The following PSTPIP1 variants were observed in gnomAD, a reference collection of about 807,000 sequenced individuals.
PSTPIP1 encodes proline-serine-threonine phosphatase-interacting protein 1.
PSTPIP1 carries 66 observed loss-of-function variants against 69.6 expected under a neutral mutation model. The ratio of observed to expected loss-of-function variants is 0.95; its 90% CI spans 0.78 to 1.16. The LOEUF (loss-of-function observed/expected upper bound fraction) is 1.16. Among genes scored for constraint, PSTPIP1 ranks in the 50% most tolerant of loss-of-function variants. The probability of loss-of-function intolerance (pLI) is 0.00; values close to 1 mark genes in which losing one functional copy is unlikely to be tolerated. For synonymous variants in PSTPIP1, 266 were observed against 222.7 expected, an observed-to-expected ratio of 1.19 and a Z score of -1.73; for missense variants, 603 against 557.4, an observed-to-expected ratio of 1.08 and a Z score of -0.82.
intron 1 of PSTPIP1, among the ~76,000 whole-genome samples, chr15:77,012,380 C>CCCAT (rs1260456735): frequency 7.3e-6 from 1 of 137,340 alleles, no homozygotes; most frequent in Non-Finnish European, 1.6e-5. Context: ...CACCTATCCA[C>CCCAT]CCATCCATCC....
intron 14 of PSTPIP1, among the ~76,000 whole-genome samples, chr15:77,036,428 G>A (rs1277286148): frequency 2.6e-5 from 4 of 152,178 alleles, no homozygotes; most frequent in Non-Finnish European, 5.9e-5. Context: ...TCTTGCTATC[G>A]TGCCAGGATT....
upstream of PSTPIP1, chr15:76,995,002 C>T (rs1489547734): frequency 1.2e-5 from 14 of 1,187,622 alleles, no homozygotes; most frequent in Non-Finnish European, 1.4e-5. Flanking sequence ...GAGCCCGCAC[C>T]TCGGGAGGGG....
intron 1 of PSTPIP1, among the ~76,000 whole-genome samples, chr15:77,000,020 C>T (rs936211459): frequency 6.6e-6 from 1 of 152,198 alleles, no homozygotes; most frequent in South Asian, 2.1e-4. Context: ...GGGTGGGAAC[C>T]ACCAAGGGGG....
intron 1 of PSTPIP1, among the ~76,000 whole-genome samples, chr15:77,001,312 C>A (rs1156942492): frequency 6.6e-6 from 1 of 152,178 alleles, no homozygotes; most frequent in African/African-American, 2.4e-5. Context: ...GCCATGGGTA[C>A]TAGCAGTCAC....
intron 12 of PSTPIP1, 76 bp from the exon 13 acceptor site, chr15:77,035,432 C>CT: frequency 6.9e-7 from 1 of 1,452,744 alleles, no homozygotes; most frequent in Non-Finnish European, 9.5e-7. Context: ...AGACCTCTCC[C>CT]TGTCTAAACC....
rs144577744 is a variant in PSTPIP1, at chr15:77,009,292, A to C, written c.37-8856A>C. Among the ~76,000 whole-genome samples the C allele has an allele frequency of 6.7e-3, 1,017 of 152,200 alleles. 11 individuals are homozygous for C. Among genetic ancestry groups the C allele is most frequent in the African/African-American group, 0.024 (976 of 41,526 alleles). On this transcript the variant is annotated intron_variant, in intron 1 of 14. Transcript: ENST00000558012. ...GAGGCTGCAGGGGTCCCTGCCTTCA[A>C]GGAAGGGCACGGGCATAGGAGTGGA...
rs759394059 is a variant in PSTPIP1, at chr15:77,036,946, TGCC to T, written c.1120-96_1120-94del. 6.1e-4 allele frequency: 913 copies of T among 1,502,856 alleles called. 2 individuals are homozygous for T. Among genetic ancestry groups the T allele is most frequent in the Non-Finnish European group, 7.8e-4 (866 of 1,107,086 alleles). 93.1% of individuals were successfully genotyped at this position (1,502,856 alleles called of 1,614,324 possible). A position where few individuals can be genotyped will look rare whatever the true frequency, so the allele number is the denominator to read the frequency against. On this transcript the variant is annotated intron_variant, in intron 14 of 14. Coordinates refer to ENST00000558012, the MANE Select transcript of PSTPIP1 (RefSeq NM_003978.5). Reference sequence around the variant, plus strand: ...CTGCCCCTGCCCACCCTGGGAGACATGCCGCATTTACTGCTGGGTGGGGGAACG... The same window carrying T: ...CTGCCCCTGCCCACCCTGGGAGACATGCATTTACTGCTGGGTGGGGGAACG...
At position 77,019,776 on chromosome 15, in the gene PSTPIP1, G is replaced by A. The variant is rs552948484; in HGVS notation, c.212+1245G>A. On this transcript the variant is annotated intron_variant, in intron 3 of 14. Coordinates refer to ENST00000558012, the MANE Select transcript of PSTPIP1 (RefSeq NM_003978.5). ...GGCCGGGTGCAGGCTGGGCACAGAG[G>A]AGGGCTCAGGACATGGTGAGGAGTG... 1.2e-4 allele frequency among the ~76,000 whole-genome samples: 18 copies of A among 152,346 alleles called. 1 individual carries two copies. In the East Asian group the frequency reaches 3.3e-3, roughly 28 times the overall value.
intron 1 of PSTPIP1, among the ~76,000 whole-genome samples, chr15:77,015,295 G>T (rs1295861606): frequency 6.6e-6 from 1 of 152,204 alleles, no homozygotes; most frequent in Non-Finnish European, 1.5e-5. Flanking sequence ...AGGTTGACCT[G>T]CATTCAGATC....
intron 12 of PSTPIP1, 95 bp from the exon 13 acceptor site, chr15:77,035,413 G>T (rs2076535740): frequency 2.3e-6 from 3 of 1,286,444 alleles, no homozygotes; most frequent in Non-Finnish European, 3.3e-6. Context: ...CAGAGCGCGT[G>T]CAGCTCTGAG....
chr15:77,002,733 G>A (rs1368487431), intron 1 of PSTPIP1, among the ~76,000 whole-genome samples: 1 of 152,196 alleles, frequency 6.6e-6, no homozygotes, highest in Non-Finnish European at 1.5e-5. Flanking sequence ...GTTCTGGGTC[G>A]ATTTGGTGTT....
chr15:77,022,423 A>G (rs1275733088), intron 3 of PSTPIP1, among the ~76,000 whole-genome samples: 1 of 152,206 alleles, frequency 6.6e-6, no homozygotes, highest in African/African-American at 2.4e-5. Context: ...GGGCAATGGG[A>G]TGAGTTACAC....
At position 77,037,379 on chromosome 15, in the gene PSTPIP1, C is replaced by T. The variant is rs758334641; in HGVS notation, c.*203C>T. ...TCTCTTTTTCTCCTGCTCCAGTGTC[C>T]GAGTGCTCAGTTCAGAGGAGGCAAA... On this transcript the variant is annotated 3_prime_UTR_variant, in exon 15 of 15. Coordinates refer to ENST00000558012, the MANE Select transcript of PSTPIP1 (RefSeq NM_003978.5). 94 of 615,612 alleles carry T rather than the reference C, an allele frequency of 1.5e-4. No individual in the cohort carries two copies. The highest frequency in any genetic ancestry group is 2.2e-4 in the East Asian group (6 of 27,732). 38.1% of individuals were successfully genotyped at this position (615,612 alleles called of 1,614,324 possible).
At chr15:77,025,708 G>C in intron 5 of PSTPIP1, 104 bp downstream of exon 5, 1 of 837,422 alleles carries the variant, frequency 1.2e-6, no homozygotes. Flanking sequence ...GTGGAGGGCG[G>C]CAGGGGTGGT....
intron 14 of PSTPIP1, 137 bp from the exon 15 acceptor site, chr15:77,036,908 T>G: frequency 3.4e-6 from 4 of 1,167,594 alleles, no homozygotes; most frequent in Non-Finnish European, 3.6e-6. Context: ...CCCCATCCTG[T>G]GTCCCCAAGG....
At chr15:77,022,746 C>G (rs1190668114) in intron 3 of PSTPIP1, among the ~76,000 whole-genome samples, 1 of 152,172 alleles carries the variant, frequency 6.6e-6, no homozygotes, top group African/African-American at 2.4e-5. Context: ...GTGTTCTGGG[C>G]CTTGTTGTGT....
intron 1 of PSTPIP1, among the ~76,000 whole-genome samples, chr15:77,000,657 A>G (rs1024925089): frequency 2.6e-5 from 4 of 152,210 alleles, no homozygotes; most frequent in Admixed American, 2.6e-4. Flanking sequence ...ATTGCCTTAC[A>G]TAGGTGCAAG....
chr15:77,030,891 G>A (rs1207180412), intron 9 of PSTPIP1, among the ~76,000 whole-genome samples: 1 of 152,258 alleles, frequency 6.6e-6, no homozygotes, highest in East Asian at 1.9e-4. Context: ...CTGGGGAACA[G>A]GGCTCAGGAC....
At position 77,027,246 on chromosome 15, in the gene PSTPIP1, T is replaced by G. The variant is rs1258631175; in HGVS notation, c.355-606T>G. Among the ~76,000 whole-genome samples the G allele has an allele frequency of 6.6e-6, 1 of 152,222 alleles. No homozygotes were observed. Among genetic ancestry groups the G allele is most frequent in the African/African-American group, 2.4e-5 (1 of 41,460 alleles). ...TAACCCAGTCGCTGTCCTGGCTGTT[T>G]TGCCTTCTCTATCAGAACAGGAAGC... On this transcript the variant is annotated intron_variant, in intron 5 of 14. Transcript: ENST00000558012. The surrounding 1 kb of genome is among the most constrained non-coding windows in gnomAD (Gnocchi z 4.3).
Sources: gnomAD v4.1 joint callset for allele counts (sites outside exome capture counted in the v4.1 genomes callset) on GRCh38, gnomAD v4.1.1 for gene constraint, Gnocchi (gnomAD v3.1) non-coding constraint, MANE v1.5 for transcripts, NCBI Gene and HGNC (gene_info 2026-07-23, HGNC 2026-07-21) for gene names.